PKHD1: variants seen among roughly 807,000 people sequenced by gnomAD.
PKHD1 encodes the protein PKHD1 ciliary IPT domain containing fibrocystin/polyductin.
A neutral mutation model predicts 412.0 loss-of-function variants in PKHD1; 291 were observed. The ratio of observed to expected loss-of-function variants is 0.71; its 90% CI spans 0.64 to 0.78. PKHD1 has a LOEUF of 0.78. Among genes scored for constraint, PKHD1 ranks in the 30% least tolerant of loss-of-function variants. The pLI, the probability that PKHD1 is intolerant of heterozygous loss-of-function variation, is 0.00. For missense variants in PKHD1, 4,825 were observed against 4,950.7 expected (o/e 0.97, Z 0.76); for synonymous variants, 1,777 against 1,821.5 (o/e 0.98, Z 0.62).
At chr6:51,907,664 A>T (rs1248387822) in intron 40 of PKHD1, among the ~76,000 whole-genome samples, 2 of 152,234 alleles carry the variant, frequency 1.3e-5, no homozygotes, top group Non-Finnish European at 1.5e-5. Context: ...TAAATTTTTT[A>T]AAAAGTACTG....
At chr6:52,040,275 T>C (rs1359354326) in intron 27 of PKHD1, among the ~76,000 whole-genome samples, 1 of 152,204 alleles carries the variant, frequency 6.6e-6, no homozygotes, top group African/African-American at 2.4e-5. Flanking sequence ...CTCAATTTTT[T>C]AAGTTAAAAA....
chr6:52,026,293 T>C (rs1802174796), intron 31 of PKHD1, 112 bp from the exon 32 acceptor site: 1 of 1,005,150 alleles, frequency 9.9e-7, no homozygotes, highest in Non-Finnish European at 1.5e-6. Flanking sequence ...CATGTGTTAG[T>C]GAAACCTCAA....
intron 60 of PKHD1, among the ~76,000 whole-genome samples, chr6:51,738,215 C>T (rs1294425891): frequency 1.3e-5 from 2 of 152,204 alleles, no homozygotes; most frequent in Non-Finnish European, 2.9e-5. Flanking sequence ...ACAGCTAGCG[C>T]ACTCCAACAC....
rs114840736 is a variant in PKHD1, at chr6:51,841,894, G to A, written c.8108-5425C>T. 7.7e-3 allele frequency among the ~76,000 whole-genome samples: 1,173 copies of A among 152,342 alleles called. 27 individuals carry two copies. Among genetic ancestry groups the A allele is most frequent in the African/African-American group, 0.026 (1,087 of 41,584 alleles). ...GTTGCATTGAGGAAAGGAAACCTGG[G>A]CAGTGGTAGACAGGATCAGGAGCCT... On this transcript the variant is annotated intron_variant, in intron 50 of 66. Coordinates refer to ENST00000371117, the MANE Select transcript of PKHD1 (RefSeq NM_138694.4).
intron 54 of PKHD1, 114 bp from the exon 55 acceptor site, chr6:51,772,903 A>G (rs1790394913): frequency 2.8e-6 from 2 of 725,198 alleles, no homozygotes. Context: ...TAGAATCTCT[A>G]TATGAAGGTC....
rs1306350556 is a variant in PKHD1, at chr6:51,746,855, A to G, written c.9864T>C (p.Tyr3288=). 2 of 1,609,432 alleles carry G rather than the reference A, an allele frequency of 1.2e-6. No individual in the cohort carries two copies. Among genetic ancestry groups the G allele is most frequent in the African/African-American group, 1.3e-5 (1 of 74,858 alleles). The part of the protein sequence containing the change: ...VTFSSFVKSC[Y]SDDLDVCILP... ...GAATGCAGACATCCAGGTCATCGCT[A>G]TAGCAACTCTTCACAAAACTAGAAA... The change falls in exon 59 of 67, where the codon TAT becomes TAC. Residue 3288 remains tyrosine, a synonymous_variant. Coordinates refer to ENST00000371117, the MANE Select transcript of PKHD1 (RefSeq NM_138694.4).
At chr6:51,646,207 G>C (rs890667686) in intron 63 of PKHD1, among the ~76,000 whole-genome samples, 1 of 152,170 alleles carries the variant, frequency 6.6e-6, no homozygotes, top group Admixed American at 6.5e-5. Context: ...CCCAGAATTG[G>C]ACTGTGATAT....
chr6:51,805,616 C>T (rs1763643533), intron 52 of PKHD1, among the ~76,000 whole-genome samples: 1 of 152,068 alleles, frequency 6.6e-6, no homozygotes, highest in Admixed American at 6.6e-5. Flanking sequence ...AGGTAAGAGG[C>T]AGGGCTAGAA....
chr6:52,040,664 C>G (rs1238328185), intron 27 of PKHD1, among the ~76,000 whole-genome samples: 2 of 152,224 alleles, frequency 1.3e-5, no homozygotes, highest in Non-Finnish European at 2.9e-5. Context: ...TGACTCAAGA[C>G]TTTTTGTTCC....
At chr6:51,693,591 A>C (rs1778428578) in intron 60 of PKHD1, among the ~76,000 whole-genome samples, 2 of 152,236 alleles carry the variant, frequency 1.3e-5, no homozygotes, top group South Asian at 4.1e-4. Flanking sequence ...TTTGCTGAAC[A>C]AATAAGTGAT....
chr6:51,972,508 C>T (rs1055301211), intron 35 of PKHD1, among the ~76,000 whole-genome samples: 1 of 152,190 alleles, frequency 6.6e-6, no homozygotes, highest in African/African-American at 2.4e-5. Flanking sequence ...GATGAAATCT[C>T]AATAACCTAG....
chr6:52,045,353 CT>C (rs906916013), intron 24 of PKHD1, among the ~76,000 whole-genome samples: 3 of 152,196 alleles, frequency 2.0e-5, no homozygotes, highest in African/African-American at 7.2e-5. Context: ...TCTTGAGACA[CT>C]TTGCTTCTCC....
rs200204976 is a variant in PKHD1 at position 52,073,547 on chromosome 6, T to C, written c.449-6A>G. The C allele has an allele frequency of 1.5e-5, 24 of 1,555,468 alleles. No individual in the cohort carries two copies. Among genetic ancestry groups the C allele is most frequent in the Non-Finnish European group, 2.1e-5 (24 of 1,126,958 alleles). On this transcript the variant is annotated splice_polypyrimidine_tract_variant and splice_region_variant and intron_variant, in intron 6 of 66. Coordinates refer to ENST00000371117, the MANE Select transcript of PKHD1 (RefSeq NM_138694.4). ...ATATACATGTATTAGTTTTCCTGTT[T>C]GAAGAAGAATTTTTTTAATTTAATG...
Position 52,042,999 on chromosome 6 carries a change from T to A in PKHD1, c.2957A>T (p.Asp986Val), listed in dbSNP as rs957113162. ...SNQTNVVCQTDLLPVGMHRIL... is the reference protein window; with the variant it reads ...SNQTNVVCQTVLLPVGMHRIL... Reference sequence around the variant, plus strand: ...CCGATGCATTCCAACAGGTAGCAAATCTGTCTGACAGACTACATTGGTCTG... The same window carrying A: ...CCGATGCATTCCAACAGGTAGCAAAACTGTCTGACAGACTACATTGGTCTG... Residue 986 changes from aspartate (D) to valine (V), a missense_variant, in exon 27 of 67, where the codon GAT becomes GTT. Coordinates refer to ENST00000371117, the MANE Select transcript of PKHD1 (RefSeq NM_138694.4). 1 of 1,614,062 alleles carries A rather than the reference T, an allele frequency of 6.2e-7. No individual in the cohort carries two copies. The highest frequency in any genetic ancestry group is 1.3e-5 in the African/African-American group (1 of 75,038).
chr6:51,759,589 G>A (rs888168067), intron 55 of PKHD1, among the ~76,000 whole-genome samples: 4 of 152,068 alleles, frequency 2.6e-5, no homozygotes, highest in Admixed American at 1.3e-4. Context: ...AGTAGAGGAG[G>A]AGAGGAAGGG....
At chr6:51,670,048 A>T (rs950394834) in intron 60 of PKHD1, among the ~76,000 whole-genome samples, 28 of 149,134 alleles carry the variant, frequency 1.9e-4, no homozygotes, top group African/African-American at 6.8e-4. Context: ...AGAGTTCTGT[A>T]GATGTCTACT....
intron 60 of PKHD1, chr6:51,722,115 A>T (rs907935703): frequency 6.2e-7 from 1 of 1,601,024 alleles, no homozygotes; most frequent in Admixed American, 1.7e-5. Context: ...TCCACATTGC[A>T]TCCAAATGAA....
intron 37 of PKHD1, among the ~76,000 whole-genome samples, chr6:51,925,585 A>T (rs530850315): frequency 2.8e-4 from 42 of 152,246 alleles, no homozygotes; most frequent in Middle Eastern, 6.8e-3. Context: ...GCCTGAATAG[A>T]ACAAAAAGGC....
intron 60 of PKHD1, chr6:51,682,239 G>A (rs759139073): frequency 2.0e-5 from 9 of 455,434 alleles, no homozygotes; most frequent in Non-Finnish European, 8.8e-6. Flanking sequence ...TTGTCCCCAG[G>A]AGACCTAGGA....
Sources: gnomAD v4.1 joint callset for allele counts (sites outside exome capture counted in the v4.1 genomes callset) on GRCh38, gnomAD v4.1.1 for gene constraint, MANE v1.5 for transcripts, NCBI Gene and HGNC (gene_info 2026-07-23, HGNC 2026-07-21) for gene names.